Variants in GPM6A observed in about 807,000 individuals in gnomAD.
GPM6A encodes neuronal membrane glycoprotein M6-a.
GPM6A carries 7 observed loss-of-function variants against 32.1 expected under a neutral mutation model. The observed-to-expected ratio is 0.22, with a 90% CI of 0.12 to 0.41. The LOEUF (loss-of-function observed/expected upper bound fraction) is 0.41, where lower values mean the gene tolerates loss of function less well. Ranked by LOEUF, GPM6A falls within the 10% of genes least tolerant of loss-of-function variation. The probability of loss-of-function intolerance (pLI) is 1.00; values close to 1 mark genes in which losing one functional copy is unlikely to be tolerated. For synonymous variants in GPM6A, 130 were observed against 123.4 expected (o/e 1.05, Z -0.35); for missense variants, 235 against 347.2 (o/e 0.68, Z 2.57).
intron 2 of GPM6A, among the ~76,000 whole-genome samples, chr4:175,681,313 C>G (rs1743673693): frequency 6.6e-6 from 1 of 152,008 alleles, no homozygotes; most frequent in Admixed American, 6.6e-5. Context: ...GAGTGGTATC[C>G]TGGTATTGCT....
chr4:175,661,820 A>T (rs1009047748), intron 3 of GPM6A, among the ~76,000 whole-genome samples: 2 of 152,184 alleles, frequency 1.3e-5, no homozygotes, highest in Non-Finnish European at 2.9e-5. Context: ...CTTAAAATTG[A>T]TCATGTAAAG....
intron 1 of GPM6A, among the ~76,000 whole-genome samples, chr4:175,755,779 A>G (rs1303344981): frequency 6.6e-6 from 1 of 152,158 alleles, no homozygotes; most frequent in Admixed American, 6.6e-5. Context: ...TATTCATGTA[A>G]TCCACCTACC....
upstream of GPM6A, chr4:175,812,336 T>TTTTTTTTTTTTTTA: frequency 7.4e-7 from 1 of 1,360,032 alleles, no homozygotes. Flanking sequence ...TTTTTTTTTT[T>TTTTTTTTTTTTTTA]TTTTCCTGGG....
intron 1 of GPM6A, among the ~76,000 whole-genome samples, chr4:175,742,716 A>G (rs1731937256): frequency 6.6e-6 from 1 of 152,188 alleles, no homozygotes; most frequent in Non-Finnish European, 1.5e-5. Context: ...GAACATACAC[A>G]AGAGCAGAAG....
intron 3 of GPM6A, among the ~76,000 whole-genome samples, chr4:175,669,622 CTAGT>C (rs1179082206): frequency 1.3e-5 from 2 of 152,100 alleles, no homozygotes; most frequent in Non-Finnish European, 2.9e-5. Flanking sequence ...ACAATAGCAA[CTAGT>C]TAATTTTGTT....
chr4:175,956,441 CTTT>C (rs1739987885), intron 1 of GPM6A, among the ~76,000 whole-genome samples: 1 of 152,098 alleles, frequency 6.6e-6, no homozygotes, highest in Non-Finnish European at 1.5e-5. Flanking sequence ...TTAATCTCTT[CTTT>C]TTATTTGTTT....
intron 4 of GPM6A, among the ~76,000 whole-genome samples, chr4:175,646,890 C>T (rs190462910): frequency 6.6e-6 from 1 of 152,242 alleles, no homozygotes; most frequent in Admixed American, 6.5e-5. Context: ...ACCCCACCAC[C>T]AATTTTAGTG....
Position 175,770,462 on chromosome 4 carries a change from T to C in GPM6A, c.37+41729A>G, listed in dbSNP as rs546545977. ...TTTACCATATAATTCGTGTTAGTAA[T>C]ACATTTTCAGAGAGGCTTTTTATGC... On this transcript the variant is annotated intron_variant, in intron 1 of 6. Coordinates refer to ENST00000393658, the MANE Select transcript of GPM6A (RefSeq NM_201591.3). Among the ~76,000 whole-genome samples, 11 of 152,336 alleles carry C rather than the reference T, an allele frequency of 7.2e-5. No homozygotes were observed. In the East Asian group the frequency reaches 1.9e-3, roughly 27 times the overall value.
chr4:175,984,405 T>C (rs145964805), intron 1 of GPM6A, among the ~76,000 whole-genome samples: 20 of 152,212 alleles, frequency 1.3e-4, no homozygotes, highest in South Asian at 2.1e-4. Context: ...CCTTGTGATC[T>C]ACCCACCTTG....
chr4:175,715,475 G>A lies in GPM6A; in HGVS notation c.38-13708C>T, dbSNP rs1045374414. ...CACCTCAGCTAGCATGCCTCGAACT[G>A]CTGAGAACTTGCATAATTTTGCCAC... On this transcript the variant is annotated intron_variant, in intron 1 of 6. Coordinates refer to ENST00000393658, the MANE Select transcript of GPM6A (RefSeq NM_201591.3). Among the ~76,000 whole-genome samples the A allele has an allele frequency of 5.9e-5, 9 of 152,110 alleles. No homozygotes were observed. In the East Asian group the frequency reaches 1.5e-3, roughly 26 times the overall value.
At chr4:175,635,516 C>A (rs990347865) in intron 6 of GPM6A, among the ~76,000 whole-genome samples, 1 of 152,062 alleles carries the variant, frequency 6.6e-6, no homozygotes, top group African/African-American at 2.4e-5. Context: ...CCCAAATATA[C>A]CTGTGGACTT....
chr4:175,935,987 A>C (rs1345020647), intron 1 of GPM6A, among the ~76,000 whole-genome samples: 2 of 151,394 alleles, frequency 1.3e-5, no homozygotes, highest in Non-Finnish European at 2.9e-5. Flanking sequence ...ATAATGACTA[A>C]ATATTTAGTA....
At chr4:175,864,641 G>T (rs1042709947) in intron 1 of GPM6A, among the ~76,000 whole-genome samples, 2 of 151,960 alleles carry the variant, frequency 1.3e-5, no homozygotes, top group African/African-American at 2.4e-5. Flanking sequence ...TTTTAAATTC[G>T]ATTAATTCCA....
intron 2 of GPM6A, 103 bp downstream of exon 2, chr4:175,701,472 C>T (rs966412318): frequency 4.9e-6 from 4 of 819,280 alleles, no homozygotes; most frequent in Non-Finnish European, 8.1e-6. Context: ...AGTGCTGTTT[C>T]ATATATATTA....
intron 1 of GPM6A, among the ~76,000 whole-genome samples, chr4:175,933,797 G>C (rs1032428597): frequency 2.0e-5 from 3 of 152,232 alleles, no homozygotes; most frequent in African/African-American, 7.2e-5. Flanking sequence ...GCCCTCCTCG[G>C]CCTCCCAAAG....
At chr4:175,957,301 G>A (rs1282070738) in intron 1 of GPM6A, among the ~76,000 whole-genome samples, 1 of 152,110 alleles carries the variant, frequency 6.6e-6, no homozygotes, top group Non-Finnish European at 1.5e-5. Context: ...AGCAAAGGCA[G>A]GTAAGAAAGC....
chr4:175,726,072 A>C (rs6840836), intron 1 of GPM6A, among the ~76,000 whole-genome samples: 83,789 of 148,566 alleles, frequency 0.56, 23,830 homozygotes, highest in Non-Finnish European at 0.61. Context: ...GGCTCACTGC[A>C]AGCTTCGCCT....
chr4:175,820,713 G>C (rs1391649255), intron 1 of GPM6A, among the ~76,000 whole-genome samples: 1 of 151,572 alleles, frequency 6.6e-6, no homozygotes, highest in East Asian at 1.9e-4. Flanking sequence ...TTGGCCGGCT[G>C]GTCTCAAACT....
chr4:175,927,610 C>G, intron 1 of GPM6A, among the ~76,000 whole-genome samples: 1 of 152,234 alleles, frequency 6.6e-6, no homozygotes, highest in East Asian at 1.9e-4. Context: ...TTCGGCCAGG[C>G]ACGGTGGCTC....
Sources: allele counts gnomAD v4.1 joint callset (sites outside exome capture counted in the v4.1 genomes callset), GRCh38; gene constraint gnomAD v4.1.1; transcripts MANE v1.5; gene names NCBI Gene and HGNC (gene_info 2026-07-23, HGNC 2026-07-21).